MTO1: variants seen among roughly 807,000 people sequenced by gnomAD.
The protein encoded by MTO1 is mitochondrial tRNA translation optimization 1.
MTO1 carries 46 observed loss-of-function variants against 71.6 expected under a neutral mutation model. The observed-to-expected ratio is 0.64, with a 90% confidence interval of 0.51 to 0.82. The LOEUF is 0.82. Ranked by LOEUF, MTO1 falls within the 40% of genes least tolerant of loss-of-function variation. The pLI, the probability that MTO1 is intolerant of heterozygous loss-of-function variation, is 0.00. For missense variants in MTO1, 773 were observed against 867.5 expected (o/e 0.89, Z 1.37); for synonymous variants, 297 against 312.1 (o/e 0.95, Z 0.51).
rs561377193 is a variant in MTO1 at position 73,490,202 on chromosome 6, T to C, written c.1638-2032T>C. On this transcript the variant is annotated intron_variant, in intron 9 of 11. Coordinates refer to ENST00000498286, the MANE Select transcript of MTO1 (RefSeq NM_012123.4). ...TTCTGGATATTAGCCCTTTGTCAGA[T>C]GGGTAGATTGTAAAAATTTTCTCCC... 4.6e-5 allele frequency among the ~76,000 whole-genome samples: 7 copies of C among 152,352 alleles called. No homozygotes were observed. The East Asian group carries it at 1.3e-3, about 29-fold the overall frequency.
chr6:73,497,525 T>C (rs1310136114), intron 10 of MTO1, among the ~76,000 whole-genome samples: 1 of 152,114 alleles, frequency 6.6e-6, no homozygotes, highest in Non-Finnish European at 1.5e-5. Context: ...AGACAGAATG[T>C]TGTAGTTAAT....
At chr6:73,462,806 A>G (rs1459901789) in intron 1 of MTO1, among the ~76,000 whole-genome samples, 2 of 152,126 alleles carry the variant, frequency 1.3e-5, no homozygotes, top group Non-Finnish European at 2.9e-5. Context: ...ACATTTTTTT[A>G]GAGACAGGGT....
chr6:73,483,819 C>T (rs1366715689), intron 9 of MTO1, among the ~76,000 whole-genome samples: 2 of 143,092 alleles, frequency 1.4e-5, no homozygotes, highest in Non-Finnish European at 3.0e-5. Flanking sequence ...TGGAGTCTCA[C>T]TCTGTCAGGA....
At chr6:73,481,158 T>C (rs1485154994) in intron 7 of MTO1, 1 of 251,708 alleles carries the variant, frequency 4.0e-6, no homozygotes, top group Admixed American at 5.4e-5. Flanking sequence ...TTCACTGTGT[T>C]GGCCAGGCTG....
chr6:73,469,144 A>G (rs570256727), intron 3 of MTO1, among the ~76,000 whole-genome samples: 5 of 152,210 alleles, frequency 3.3e-5, no homozygotes, highest in South Asian at 2.1e-4. Flanking sequence ...AGCTGGGACT[A>G]TAGGTGTACA....
intron 3 of MTO1, among the ~76,000 whole-genome samples, chr6:73,468,587 C>T (rs1216175301): frequency 6.6e-6 from 1 of 151,646 alleles, no homozygotes; most frequent in Admixed American, 6.6e-5. Flanking sequence ...CTTGGTTTTG[C>T]CTTGAGTTAA....
In MTO1 at chr6:73,500,560, G is replaced by A; in HGVS notation, c.1918-14G>A. ...CATAGCTCACTTAGTTTCTCTTGTGGTATTGATTTTTAGATCGGGGCTGCT... is the reference window on the plus strand; with the variant it reads ...CATAGCTCACTTAGTTTCTCTTGTGATATTGATTTTTAGATCGGGGCTGCT... On this transcript the variant is annotated splice_polypyrimidine_tract_variant and intron_variant, in intron 11 of 11. Transcript: ENST00000498286. The A allele has an allele frequency of 6.2e-7, 1 of 1,608,472 alleles. No homozygotes were observed. The highest frequency in any genetic ancestry group is 8.5e-7 in the Non-Finnish European group (1 of 1,177,650).
intron 9 of MTO1, among the ~76,000 whole-genome samples, chr6:73,484,409 C>G (rs1183423802): frequency 1.3e-5 from 2 of 152,264 alleles, no homozygotes; most frequent in South Asian, 2.1e-4. Context: ...ATGGTGCCTT[C>G]TTGCTGTGTT....
At chr6:73,485,358 A>G (rs1200881356) in intron 9 of MTO1, among the ~76,000 whole-genome samples, 12 of 152,148 alleles carry the variant, frequency 7.9e-5, no homozygotes, top group Non-Finnish European at 1.6e-4. Context: ...TTTTTAATTC[A>G]GGCATATTTC....
At position 73,466,592 on chromosome 6, in the gene MTO1, G is replaced by A. The variant is rs200547196; in HGVS notation, c.521G>A (p.Ser174Asn). ...EPEHTGKCRV[S>N]GVVLVDGSTV... is the part of the protein sequence containing the mutation. ...GAACACACTGGGAAATGCCGTGTCAGTGGGGTTGTTTTGGGTACGTATTGG... is the reference window on the plus strand; with the variant it reads ...GAACACACTGGGAAATGCCGTGTCAATGGGGTTGTTTTGGGTACGTATTGG... Residue 174 changes from serine to asparagine, a missense_variant, in exon 3 of 12, where the codon AGT (serine) becomes AAT (asparagine). Physicochemically the swap from Ser to Asn is conservative, Grantham distance 46. Coordinates refer to ENST00000498286, the MANE Select transcript of MTO1 (RefSeq NM_012123.4). 6 of 1,613,892 alleles carry A rather than the reference G, an allele frequency of 3.7e-6. No individual in the cohort carries two copies. Among genetic ancestry groups the A allele is most frequent in the Non-Finnish European group, 5.1e-6 (6 of 1,179,904 alleles).
In MTO1 at chr6:73,463,388, T is replaced by TTA. The variant is rs550263977; in HGVS notation, c.217+1318_217+1319dup. Among the ~76,000 whole-genome samples the TTA allele has an allele frequency of 9.2e-5, 14 of 152,302 alleles. No homozygotes were observed. In the East Asian group the frequency reaches 2.7e-3, roughly 29 times the overall value. ...GGGTTGTCGTCCCTGGATTTTGTGT[T>TTA]TAGTACTGGACAGTACTTTTTTTGC... On this transcript the variant is annotated intron_variant, in intron 1 of 11. Transcript: ENST00000498286.
chr6:73,462,183 C>A (rs1387052596), intron 1 of MTO1, 112 bp downstream of exon 1: 1 of 1,208,880 alleles, frequency 8.3e-7, no homozygotes, highest in Non-Finnish European at 1.2e-6. Context: ...AGTGAGAATC[C>A]TACCTTCTGT....
chr6:73,490,346 A>G (rs1020907384), intron 9 of MTO1, among the ~76,000 whole-genome samples: 8 of 152,112 alleles, frequency 5.3e-5, no homozygotes, highest in Non-Finnish European at 4.4e-5. Flanking sequence ...TTGGTGTTTT[A>G]TTCATGAAGT....
At chr6:73,481,661 G>T (rs1360620992) in intron 7 of MTO1, among the ~76,000 whole-genome samples, 1 of 152,042 alleles carries the variant, frequency 6.6e-6, no homozygotes, top group East Asian at 1.9e-4. Flanking sequence ...CCAGCTACTT[G>T]GGGGGATGAG....
rs988309281 is a variant in MTO1 at position 73,501,667 on chromosome 6, A to G, written c.*932A>G. On this transcript the variant is annotated 3_prime_UTR_variant, in exon 12 of 12. Transcript: ENST00000498286. ...TGACTCAGATACCTCAGATACCTCA[A>G]CCATTCTAAATAGACTAAGGGATGA... is the stretch of plus-strand genomic sequence containing the variant. 1 of 152,198 alleles carries G rather than the reference A, an allele frequency of 6.6e-6. No homozygotes were observed. Among genetic ancestry groups the G allele is most frequent in the African/African-American group, 2.4e-5 (1 of 41,444 alleles). 9.4% of individuals were successfully genotyped at this position (152,198 alleles called of 1,614,324 possible). A position where few individuals can be genotyped will look rare whatever the true frequency, so the allele number is the denominator to read the frequency against.
intron 8 of MTO1, 82 bp downstream of exon 8, chr6:73,482,326 A>G: frequency 6.4e-7 from 1 of 1,564,550 alleles, no homozygotes; most frequent in Non-Finnish European, 8.8e-7. Context: ...GACCAAGGCA[A>G]GAGGATCACT....
intron 4 of MTO1, 36 bp from the exon 5 acceptor site, chr6:73,479,696 A>G: frequency 6.6e-7 from 1 of 1,509,364 alleles, no homozygotes; most frequent in Non-Finnish European, 9.2e-7. Flanking sequence ...CTAGTAGATA[A>G]GCAAATCAGT....
chr6:73,477,509 CTTT>C (rs766276407), intron 4 of MTO1, among the ~76,000 whole-genome samples: 4 of 134,806 alleles, frequency 3.0e-5, no homozygotes, highest in Admixed American at 7.5e-5. Flanking sequence ...TCCAAAGCAG[CTTT>C]TTTTTTTTTT....
At chr6:73,475,936 A>C (rs913324422) in intron 4 of MTO1, among the ~76,000 whole-genome samples, 1 of 152,136 alleles carries the variant, frequency 6.6e-6, no homozygotes, top group Non-Finnish European at 1.5e-5. Flanking sequence ...TGCTGCTGGA[A>C]AGGCAGCCGC....
Sources: gnomAD v4.1 joint callset for allele counts (sites outside exome capture counted in the v4.1 genomes callset) on GRCh38, gnomAD v4.1.1 for gene constraint, MANE v1.5 for transcripts, NCBI Gene and HGNC (gene_info 2026-07-23, HGNC 2026-07-21) for gene names.